The following ROBO1 variants were observed in gnomAD, a reference collection of about 807,000 sequenced individuals.
The protein encoded by ROBO1 is roundabout homolog 1.
Under a neutral mutation model 195.9 loss-of-function variants are expected in ROBO1, and 149 were observed. The ratio of observed to expected loss-of-function variants is 0.76; its 90% confidence interval spans 0.67 to 0.87. The LOEUF (loss-of-function observed/expected upper bound fraction) is 0.87. Among genes scored for constraint, ROBO1 ranks in the 40% least tolerant of loss-of-function variants. The pLI is 0.00. For missense variants in ROBO1, 1,933 were observed against 2,068.3 expected (o/e 0.93, Z 1.27); for synonymous variants, 816 against 733.2 (o/e 1.11, Z -1.82).
intron 5 of ROBO1, among the ~76,000 whole-genome samples, chr3:78,733,033 A>C (rs1221186427): frequency 6.6e-6 from 1 of 152,186 alleles, no homozygotes; most frequent in African/African-American, 2.4e-5. Context: ...ATAAAAACTG[A>C]AGTGGTCAGA....
At chr3:79,470,275 C>A (rs1475005810) in intron 2 of ROBO1, among the ~76,000 whole-genome samples, 2 of 152,022 alleles carry the variant, frequency 1.3e-5, no homozygotes, top group African/African-American at 4.8e-5. Context: ...ATGGATGAAG[C>A]TGGAAACCAT....
chr3:79,217,295 C>T (rs188279206), intron 2 of ROBO1, among the ~76,000 whole-genome samples: 13 of 152,044 alleles, frequency 8.6e-5, no homozygotes, highest in African/African-American at 2.4e-4. Flanking sequence ...TTAAAACTTC[C>T]AATTTAACTA....
intron 4 of ROBO1, among the ~76,000 whole-genome samples, chr3:78,872,679 C>G (rs2035622121): frequency 6.6e-6 from 1 of 152,064 alleles, no homozygotes; most frequent in South Asian, 2.1e-4. Context: ...GGAAGTGGGG[C>G]AGTGCCTAGG....
intron 2 of ROBO1, among the ~76,000 whole-genome samples, chr3:79,582,670 C>T (rs1208813885): frequency 6.6e-6 from 1 of 151,996 alleles, no homozygotes; most frequent in East Asian, 1.9e-4. Flanking sequence ...CATTTAAACT[C>T]TCTCATTCCT....
chr3:79,537,041 T>TTG (rs1237047907), intron 2 of ROBO1, among the ~76,000 whole-genome samples: 3 of 151,940 alleles, frequency 2.0e-5, no homozygotes, highest in Non-Finnish European at 2.9e-5. Flanking sequence ...AACAATATTT[T>TTG]TTTTTAAGAG....
intron 2 of ROBO1, among the ~76,000 whole-genome samples, chr3:79,462,319 C>A (rs1053334543): frequency 1.3e-5 from 2 of 152,074 alleles, no homozygotes; most frequent in African/African-American, 4.8e-5. Flanking sequence ...AACATACGTG[C>A]AAGTTATATG....
intron 2 of ROBO1, among the ~76,000 whole-genome samples, chr3:79,330,495 G>A (rs1477322624): frequency 6.6e-6 from 1 of 150,954 alleles, no homozygotes; most frequent in Non-Finnish European, 1.5e-5. Flanking sequence ...TGTGATATGT[G>A]AAAATTATAT....
intron 2 of ROBO1, among the ~76,000 whole-genome samples, chr3:79,562,608 G>A (rs543758690): frequency 1.4e-3 from 207 of 152,134 alleles, no homozygotes; most frequent in African/African-American, 4.8e-3. Flanking sequence ...TGAGCTGAGG[G>A]ATGAATATAT....
In ROBO1 at chr3:79,581,271, A is replaced by T. The variant is rs116776380; in HGVS notation, c.88+8553T>A. Reference sequence around the variant, plus strand: ...TATTAACCAAGCAATAGAGGAAAAAAATTACTTATACCCGTCCATATGAGG... The same window carrying T: ...TATTAACCAAGCAATAGAGGAAAAATATTACTTATACCCGTCCATATGAGG... On this transcript the variant is annotated intron_variant, in intron 2 of 30. Coordinates refer to ENST00000464233, the MANE Select transcript of ROBO1 (RefSeq NM_002941.4). Among the ~76,000 whole-genome samples, 1,436 of 152,204 alleles carry T rather than the reference A, an allele frequency of 9.4e-3. 24 individuals carry two copies. Among genetic ancestry groups the T allele is most frequent in the African/African-American group, 0.033 (1,371 of 41,532 alleles).
At chr3:79,457,603 C>A (rs903567545) in intron 2 of ROBO1, among the ~76,000 whole-genome samples, 3 of 152,046 alleles carry the variant, frequency 2.0e-5, no homozygotes, top group Non-Finnish European at 4.4e-5. Context: ...ATGAGAGAAA[C>A]CTGGTGGGAG....
intron 2 of ROBO1, among the ~76,000 whole-genome samples, chr3:79,451,140 TG>T (rs1241432460): frequency 1.2e-4 from 19 of 152,002 alleles, no homozygotes; most frequent in Non-Finnish European, 2.2e-4. Flanking sequence ...TTTGAAAAAT[TG>T]TAAGATGTGT....
chr3:79,663,488 T>C (rs1471979164), intron 1 of ROBO1, among the ~76,000 whole-genome samples: 1 of 152,030 alleles, frequency 6.6e-6, no homozygotes, highest in Non-Finnish European at 1.5e-5. Context: ...TAATTTATCA[T>C]CTGCCACTAC....
chr3:79,513,304 T>C (rs1940800010), intron 2 of ROBO1, among the ~76,000 whole-genome samples: 1 of 152,044 alleles, frequency 6.6e-6, no homozygotes, highest in Non-Finnish European at 1.5e-5. Context: ...AACTATGTAA[T>C]AATACATCTA....
At chr3:79,567,343 T>C (rs922938684) in intron 2 of ROBO1, among the ~76,000 whole-genome samples, 1 of 152,022 alleles carries the variant, frequency 6.6e-6, no homozygotes, top group Non-Finnish European at 1.5e-5. Flanking sequence ...CCAGGACACA[T>C]GTTTTCCTGG....
chr3:78,885,938 T>TATAC (rs1276448332), intron 4 of ROBO1, among the ~76,000 whole-genome samples: 4 of 144,950 alleles, frequency 2.8e-5, no homozygotes, highest in East Asian at 2.0e-4. Flanking sequence ...TATATATATA[T>TATAC]ATACATACAT....
At chr3:78,672,977 A>G (rs545316785) in intron 10 of ROBO1, among the ~76,000 whole-genome samples, 99 of 152,294 alleles carry the variant, frequency 6.5e-4, no homozygotes, top group African/African-American at 2.3e-3. Context: ...TCTCTCCAAT[A>G]CAGTAGCCAA....
chr3:78,822,556 A>T (rs2031113930), intron 4 of ROBO1, among the ~76,000 whole-genome samples: 1 of 152,210 alleles, frequency 6.6e-6, no homozygotes, highest in African/African-American at 2.4e-5. Flanking sequence ...CACTCTCTAA[A>T]CTGAAAAAAG....
intron 4 of ROBO1, among the ~76,000 whole-genome samples, chr3:78,884,648 A>AAAGGAAGGAAGGAAGGAAGG (rs780597106): frequency 5.9e-4 from 63 of 107,520 alleles, no homozygotes; most frequent in East Asian, 8.5e-4. Flanking sequence ...AGAAAGAAAG[A>AAAGGAAGGAAGGAAGGAAGG]AAGGAAGGAA....
intron 3 of ROBO1, among the ~76,000 whole-genome samples, chr3:79,107,160 C>CACACACACACACACAT (rs1559663881): frequency 4.7e-5 from 7 of 150,306 alleles, no homozygotes; most frequent in African/African-American, 1.5e-4. Flanking sequence ...CACACACACA[C>CACACACACACACACAT]ACCACTTGGC....
Sources: gnomAD v4.1 joint callset for allele counts (sites outside exome capture counted in the v4.1 genomes callset) on GRCh38, gnomAD v4.1.1 for gene constraint, MANE v1.5 for transcripts, NCBI Gene and HGNC (gene_info 2026-07-23, HGNC 2026-07-21) for gene names.